MASP2: variants seen among roughly 807,000 people sequenced by gnomAD.
The protein encoded by MASP2 is MBL associated serine protease 2, also known as mannan-binding lectin serine protease 2.
Under a neutral mutation model 57.1 loss-of-function variants are expected in MASP2, and 49 were observed. The ratio of observed to expected loss-of-function variants is 0.86; its 90% CI spans 0.68 to 1.09. MASP2 has a LOEUF of 1.09. Among genes scored for constraint, MASP2 ranks in the 50% least tolerant of loss-of-function variants. MASP2 has a pLI of 0.00. For synonymous variants in MASP2, 379 were observed against 340.8 expected (o/e 1.11, Z -1.24); for missense variants, 900 against 874.8 (o/e 1.03, Z -0.36).
chr1:11,038,626 G>GGCAGCTGGGT (rs1553161430), intron 6 of MASP2, among the ~76,000 whole-genome samples: 2 of 152,198 alleles, frequency 1.3e-5, no homozygotes, highest in Non-Finnish European at 1.5e-5. Flanking sequence ...AAGCTGCTGG[G>GGCAGCTGGGT]GCAGCTGGGT....
At position 11,027,571 on chromosome 1, in the gene MASP2, G is replaced by T; in HGVS notation, c.1375C>A (p.Gln459Lys). 6.2e-7 allele frequency: 1 copy of T among 1,614,138 alleles called. No homozygotes were observed. The highest frequency in any genetic ancestry group is 8.5e-7 in the Non-Finnish European group (1 of 1,180,000). Residue 459 changes from glutamine (Q) to lysine (K), a missense_variant, in exon 11 of 11, where the codon CAA becomes AAA. Transcript: ENST00000400897. ...QKAKPGDFPWQVLILGGTTAA... is the reference protein window; with the variant it reads ...QKAKPGDFPWKVLILGGTTAA... ...GTGGTTCCACCTAATATCAGGACTT[G>T]CCAAGGAAAATCACCAGGTTTTGCC...
Position 11,045,229 on chromosome 1 carries a change from G to A in MASP2, c.544+179C>T, listed in dbSNP as rs72550889. ...GTCGCTAGGGCAGGGTGGCACTGAT[G>A]AGCCTGGCTGCTGAGAGGGGAAGCA... On this transcript the variant is annotated intron_variant, in intron 4 of 10. Transcript: ENST00000400897. 7.0e-4 allele frequency: 640 copies of A among 918,600 alleles called. 2 individuals carry two copies. The African/African-American group carries it at 8.7e-3, about 12-fold the overall frequency. 56.9% of individuals were successfully genotyped at this position (918,600 alleles called of 1,614,324 possible).
intron 6 of MASP2, among the ~76,000 whole-genome samples, chr1:11,040,960 T>C (rs1195737416): frequency 6.7e-6 from 1 of 148,866 alleles, no homozygotes; most frequent in East Asian, 2.0e-4. Flanking sequence ...GCTGGAAAGA[T>C]GGATGGATGG....
chr1:11,030,432 G>A, intron 9 of MASP2, 182 bp from the exon 10 acceptor site: 1 of 594,290 alleles, frequency 1.7e-6, no homozygotes, highest in East Asian at 2.9e-5. Context: ...TGCTTGCAAA[G>A]TGGAAACCTT....
chr1:11,030,069 T>A (rs964083367), intron 10 of MASP2, 107 bp downstream of exon 10: 17 of 741,098 alleles, frequency 2.3e-5, no homozygotes, highest in Non-Finnish European at 3.7e-5. Flanking sequence ...AAGAGCCAAG[T>A]GCTGAAGTTA....
chr1:11,034,397 TAAAA>T (rs58086905), intron 8 of MASP2, among the ~76,000 whole-genome samples: 1 of 141,922 alleles, frequency 7.0e-6, no homozygotes, highest in South Asian at 2.2e-4. Flanking sequence ...AATGGATCAT[TAAAA>T]AAAAAAAACC....
chr1:11,044,988 C>T lies in MASP2; in HGVS notation c.544+420G>A, dbSNP rs369923268. 171 of 1,605,190 alleles carry T rather than the reference C, an allele frequency of 1.1e-4. No individual in the cohort carries two copies. The Middle Eastern group carries it at 1.2e-3, about 11-fold the overall frequency. ...AGATCAGAGAGGCAAGGAGAGACACCGAGAGGGAGAAACCGAGTCGGGGGA... is the reference window on the plus strand; with the variant it reads ...AGATCAGAGAGGCAAGGAGAGACACTGAGAGGGAGAAACCGAGTCGGGGGA... On this transcript the variant is annotated intron_variant, in intron 4 of 10. Coordinates refer to ENST00000400897, the MANE Select transcript of MASP2 (RefSeq NM_006610.4).
At chr1:11,028,148 G>A (rs1643771831) in intron 10 of MASP2, among the ~76,000 whole-genome samples, 1 of 152,036 alleles carries the variant, frequency 6.6e-6, no homozygotes, top group South Asian at 2.1e-4. Flanking sequence ...CTTGAACCTG[G>A]GAGGCGGAGG....
intron 6 of MASP2, among the ~76,000 whole-genome samples, chr1:11,041,752 G>T (rs1638455293): frequency 6.8e-6 from 1 of 147,144 alleles, no homozygotes; most frequent in Non-Finnish European, 1.5e-5. Context: ...ATGGGTGGGT[G>T]GGTGGATGGA....
intron 7 of MASP2, among the ~76,000 whole-genome samples, chr1:11,036,510 C>CAAAAAAAAA (rs35642467): frequency 4.8e-4 from 26 of 54,344 alleles, no homozygotes; most frequent in Middle Eastern, 0.033. Flanking sequence ...GACTCCGTCT[C>CAAAAAAAAA]AAAAAAAAAA....
chr1:11,027,261 A>G lies in MASP2; in HGVS notation c.1685T>C (p.Met562Thr), dbSNP rs1570732083. Reference sequence around the variant, plus strand: ...TGCAGTTCCAATGTCATCTGTCCTCATAAAGGATTCAGCTTCTTTTCTTGG... The same window carrying G: ...TGCAGTTCCAATGTCATCTGTCCTCGTAAAGGATTCAGCTTCTTTTCTTGG... Reference protein sequence around the residue: ...CLPRKEAESFMRTDDIGTASG... With the variant: ...CLPRKEAESFTRTDDIGTASG... Residue 562 changes from methionine to threonine, a missense_variant, in exon 11 of 11, where the codon ATG becomes ACG. Physicochemically the swap from Met to Thr is moderately conservative, Grantham distance 81 (BLOSUM62 -1). Coordinates refer to ENST00000400897, the MANE Select transcript of MASP2 (RefSeq NM_006610.4). 1.9e-6 allele frequency: 3 copies of G among 1,614,028 alleles called. No homozygotes were observed. The East Asian group carries it at 6.7e-5, about 36-fold the overall frequency.
At chr1:11,030,722 C>T (rs1469735400) in intron 9 of MASP2, 26 bp downstream of exon 9, 1 of 1,573,466 alleles carries the variant, frequency 6.4e-7, no homozygotes, top group Non-Finnish European at 8.6e-7. Flanking sequence ...GTATTGCCCA[C>T]CCCCAACTTT....
intron 4 of MASP2, 146 bp downstream of exon 4, chr1:11,045,262 G>A (rs780875658): frequency 1.2e-5 from 15 of 1,205,160 alleles, no homozygotes; most frequent in Non-Finnish European, 1.8e-5. Context: ...GCAGGGCTGA[G>A]AAGGGGAGCT....
intron 6 of MASP2, among the ~76,000 whole-genome samples, chr1:11,038,284 A>G (rs1638311836): frequency 6.6e-6 from 1 of 152,160 alleles, no homozygotes; most frequent in Admixed American, 6.5e-5. Context: ...GCGGTTGACG[A>G]TAATAGTTGC....
intron 6 of MASP2, 26 bp from the exon 7 acceptor site, chr1:11,037,837 G>T: frequency 6.9e-7 from 1 of 1,439,096 alleles, no homozygotes; most frequent in East Asian, 2.3e-5. Flanking sequence ...CAGGCTTGTT[G>T]GTTTTCATGT....
intron 7 of MASP2, among the ~76,000 whole-genome samples, chr1:11,036,008 G>A (rs1643883618): frequency 6.6e-6 from 1 of 152,156 alleles, no homozygotes; most frequent in Admixed American, 6.5e-5. Flanking sequence ...GCCATTAGCT[G>A]GAGGAGGGCT....
intron 7 of MASP2, among the ~76,000 whole-genome samples, chr1:11,036,629 C>CTT (rs748876362): frequency 0.037 from 4,034 of 110,192 alleles, 384 homozygotes; most frequent in African/African-American, 0.12. Flanking sequence ...AAGTGTCTCT[C>CTT]TTTTTTTTTT....
At chr1:11,029,605 T>TATA (rs898571346) in intron 10 of MASP2, 9 of 149,912 alleles carry the variant, frequency 6.0e-5, no homozygotes, top group African/African-American at 2.2e-4. Context: ...TTTATAAATG[T>TATA]ATAAGTTGGT....
chr1:11,036,224 G>A (rs751872165), intron 7 of MASP2, among the ~76,000 whole-genome samples: 3 of 152,164 alleles, frequency 2.0e-5, no homozygotes, highest in Non-Finnish European at 4.4e-5. Flanking sequence ...TAAAGAAGTC[G>A]CCGGGCGCGG....
Sources: gnomAD v4.1 joint callset for allele counts (sites outside exome capture counted in the v4.1 genomes callset) on GRCh38, gnomAD v4.1.1 for gene constraint, MANE v1.5 for transcripts, NCBI Gene and HGNC (gene_info 2026-07-23, HGNC 2026-07-21) for gene names.